The following SETBP1 variants were observed in gnomAD, a reference collection of about 807,000 sequenced individuals.
SETBP1 encodes SET-binding protein.
SETBP1 carries 9 observed loss-of-function variants against 101.0 expected under a neutral mutation model. The ratio of observed to expected loss-of-function variants is 0.09; its 90% CI spans 0.05 to 0.16. SETBP1 has a LOEUF of 0.16. Ranked by LOEUF, SETBP1 falls within the 10% of genes least tolerant of loss-of-function variation. The pLI is 1.00. For synonymous variants in SETBP1, 818 were observed against 788.5 expected (o/e 1.04, Z -0.63); for missense variants, 1,858 against 2,033.8 (o/e 0.91, Z 1.66).
In SETBP1 at chr18:44,948,031, G is replaced by A. The variant is rs146160619; in HGVS notation, c.541-1850G>A. 8.0e-3 allele frequency among the ~76,000 whole-genome samples: 1,218 copies of A among 152,238 alleles called. 17 individuals are homozygous for A. The highest frequency in any genetic ancestry group is 0.028 in the African/African-American group (1,143 of 41,534). ...AAGTAAGTGGCACTTAATATTTTAT[G>A]CCACGAATAAGATTTCTATGTTTTT... On this transcript the variant is annotated intron_variant, in intron 3 of 5. Coordinates refer to ENST00000649279, the MANE Select transcript of SETBP1 (RefSeq NM_015559.3).
intron 2 of SETBP1, among the ~76,000 whole-genome samples, chr18:44,811,810 G>A (rs2071867862): frequency 1.3e-5 from 2 of 152,180 alleles, no homozygotes; most frequent in Non-Finnish European, 2.9e-5. Context: ...CCCAAGTCAA[G>A]ACCTGTTTCT....
intron 4 of SETBP1, among the ~76,000 whole-genome samples, chr18:44,981,032 A>C (rs1001635949): frequency 6.6e-6 from 1 of 152,234 alleles, no homozygotes; most frequent in Admixed American, 6.5e-5. Flanking sequence ...TCATTTGAGA[A>C]CTTGTTTGAA....
intron 2 of SETBP1, among the ~76,000 whole-genome samples, chr18:44,863,431 G>A (rs2069058302): frequency 1.3e-5 from 2 of 152,208 alleles, no homozygotes; most frequent in African/African-American, 4.8e-5. Flanking sequence ...GCAGCCCCCT[G>A]CACACATATG....
chr18:45,062,603 G>A (rs2073907003), intron 5 of SETBP1, among the ~76,000 whole-genome samples: 1 of 152,168 alleles, frequency 6.6e-6, no homozygotes, highest in Non-Finnish European at 1.5e-5. Context: ...AGGCCCACGT[G>A]CCTTTTTATT....
At chr18:44,691,200 G>T (rs2068926097) in intron 1 of SETBP1, among the ~76,000 whole-genome samples, 1 of 152,176 alleles carries the variant, frequency 6.6e-6, no homozygotes, top group Non-Finnish European at 1.5e-5. Context: ...GGCACAGAAA[G>T]TGTGTGCTCT....
At chr18:44,844,361 AC>A (rs2144546045) in intron 2 of SETBP1, among the ~76,000 whole-genome samples, 1 of 146,238 alleles carries the variant, frequency 6.8e-6, no homozygotes, top group African/African-American at 2.5e-5. Flanking sequence ...GCGCACACAC[AC>A]ACACACACAC....
At chr18:44,718,713 C>T (rs1226845063) in intron 2 of SETBP1, among the ~76,000 whole-genome samples, 2 of 152,124 alleles carry the variant, frequency 1.3e-5, no homozygotes, top group Admixed American at 6.5e-5. Context: ...CTATTTGACT[C>T]ATAAGCTGCA....
intron 2 of SETBP1, among the ~76,000 whole-genome samples, chr18:44,838,764 A>C (rs2072549261): frequency 6.6e-6 from 1 of 152,026 alleles, no homozygotes; most frequent in Non-Finnish European, 1.5e-5. Flanking sequence ...CAACCCTTTT[A>C]ATTACTTACG....
Position 45,030,082 on chromosome 18 carries a change from T to G in SETBP1, c.4001-8403T>G, listed in dbSNP as rs1366257415. On this transcript the variant is annotated intron_variant, in intron 4 of 5. Coordinates refer to ENST00000649279, the MANE Select transcript of SETBP1 (RefSeq NM_015559.3). ...AGTGTTGAGAGAGGGCATCCCTGTC[T>G]TGTGTCAGTTTTCAAAGGGAATGCT... is the stretch of plus-strand genomic sequence containing the variant. Among the ~76,000 whole-genome samples the G allele has an allele frequency of 2.0e-5, 3 of 149,522 alleles. No homozygotes were observed. The East Asian group carries it at 5.9e-4, about 29-fold the overall frequency.
intron 2 of SETBP1, among the ~76,000 whole-genome samples, chr18:44,714,887 A>C (rs1266844921): frequency 6.6e-6 from 1 of 152,060 alleles, no homozygotes; most frequent in Non-Finnish European, 1.5e-5. Context: ...ACCTTGATAA[A>C]GTGTACTCAC....
rs145909092 is a variant in SETBP1 at position 44,840,928 on chromosome 18, C to T, written c.487-28302C>T. 3.3e-5 allele frequency among the ~76,000 whole-genome samples: 5 copies of T among 152,266 alleles called. No homozygotes were observed. In the East Asian group the frequency reaches 9.6e-4, roughly 29 times the overall value. On this transcript the variant is annotated intron_variant, in intron 2 of 5. Coordinates refer to ENST00000649279, the MANE Select transcript of SETBP1 (RefSeq NM_015559.3). ...CTTCTAAGTGATTCTAATATGTAGC[C>T]AGGGTTGGAAACTTATGATTTGTTC...
At chr18:45,058,944 C>T (rs193050481) in intron 5 of SETBP1, among the ~76,000 whole-genome samples, 5 of 152,258 alleles carry the variant, frequency 3.3e-5, no homozygotes, top group East Asian at 1.9e-4. Context: ...ATGACCTTCA[C>T]GGGGAACATC....
chr18:44,769,588 A>C (rs1181449641), intron 2 of SETBP1, among the ~76,000 whole-genome samples: 9 of 152,238 alleles, frequency 5.9e-5, no homozygotes, highest in Non-Finnish European at 7.3e-5. Context: ...CAGGGTCCAG[A>C]AGTGAGTATT....
intron 2 of SETBP1, among the ~76,000 whole-genome samples, chr18:44,791,630 C>A (rs902350240): frequency 6.6e-6 from 1 of 152,112 alleles, no homozygotes; most frequent in Non-Finnish European, 1.5e-5. Flanking sequence ...GCTGTCTGGT[C>A]ATCCATGCAA....
chr18:44,768,480 T>A (rs1055265009), intron 2 of SETBP1, among the ~76,000 whole-genome samples: 1 of 152,208 alleles, frequency 6.6e-6, no homozygotes, highest in African/African-American at 2.4e-5. Flanking sequence ...TTTATTCAGT[T>A]TAATTCTTCA....
In SETBP1 at chr18:44,910,891, C is replaced by G. The variant is rs577005247; in HGVS notation, c.541-38990C>G. 2.0e-5 allele frequency among the ~76,000 whole-genome samples: 3 copies of G among 152,260 alleles called. No homozygotes were observed. The East Asian group carries it at 5.8e-4, about 29-fold the overall frequency. On this transcript the variant is annotated intron_variant, in intron 3 of 5. Transcript: ENST00000649279. ...CTGGTTGCCCCCTGCCCCTCACACC[C>G]TTTTCATCCACCCTACATTATTCTA...
intron 2 of SETBP1, among the ~76,000 whole-genome samples, chr18:44,833,635 G>A (rs1453384294): frequency 1.3e-5 from 2 of 152,214 alleles, no homozygotes; most frequent in Non-Finnish European, 2.9e-5. Context: ...CTAGAAGTGT[G>A]CCCAGTGGTT....
chr18:44,939,820 A>G (rs1014311629), intron 3 of SETBP1, among the ~76,000 whole-genome samples: 2 of 152,234 alleles, frequency 1.3e-5, no homozygotes, highest in African/African-American at 2.4e-5. Flanking sequence ...GTTTGAAGAC[A>G]TTGATATGTG....
chr18:44,924,996 A>G (rs972834204), intron 3 of SETBP1, among the ~76,000 whole-genome samples: 9 of 120,514 alleles, frequency 7.5e-5, no homozygotes, highest in Non-Finnish European at 1.3e-4. Context: ...TTCCTTCTTG[A>G]TCCTGTGTGA....
Sources: gnomAD v4.1 joint callset for allele counts (sites outside exome capture counted in the v4.1 genomes callset) on GRCh38, gnomAD v4.1.1 for gene constraint, MANE v1.5 for transcripts, NCBI Gene and HGNC (gene_info 2026-07-23, HGNC 2026-07-21) for gene names.